STX8: variants seen among roughly 807,000 people sequenced by gnomAD.
STX8 encodes the protein syntaxin 8, also known as syntaxin-8.
Under a neutral mutation model 37.5 loss-of-function variants are expected in STX8, and 23 were observed. That is an observed-to-expected ratio of 0.61 (90% CI 0.44 to 0.87). STX8 has a LOEUF of 0.87. Ranked by LOEUF, STX8 falls within the 40% of genes least tolerant of loss-of-function variation. The pLI is 0.00. For missense variants in STX8, 313 were observed against 284.7 expected (o/e 1.10, Z -0.71); for synonymous variants, 115 against 99.1 (o/e 1.16, Z -0.95).
intron 6 of STX8, among the ~76,000 whole-genome samples, chr17:9,450,243 T>C (rs988699662): frequency 6.6e-6 from 1 of 151,342 alleles, no homozygotes; most frequent in East Asian, 1.9e-4. Context: ...GCCCGGCTAA[T>C]TTTTGTATTT....
chr17:9,348,477 T>A (rs572980042), intron 7 of STX8, among the ~76,000 whole-genome samples: 2 of 150,488 alleles, frequency 1.3e-5, no homozygotes, highest in Non-Finnish European at 3.0e-5. Context: ...AAACCATTCA[T>A]AATCTAATAA....
intron 3 of STX8, chr17:9,548,563 A>G (rs1906640044): frequency 6.6e-6 from 1 of 152,236 alleles, no homozygotes; most frequent in Non-Finnish European, 1.5e-5. Flanking sequence ...CCACTGAACC[A>G]TTATTTATAA....
chr17:9,482,813 C>A (rs9893766), intron 6 of STX8, among the ~76,000 whole-genome samples: 5,549 of 152,148 alleles, frequency 0.036, 324 homozygotes, highest in African/African-American at 0.12. Flanking sequence ...ACTTGGGAGG[C>A]TGAGGCAGAA....
chr17:9,326,294 A>G (rs1057497758), intron 7 of STX8, among the ~76,000 whole-genome samples: 1 of 151,774 alleles, frequency 6.6e-6, no homozygotes, highest in African/African-American at 2.4e-5. Context: ...CCATACCTGG[A>G]TAATTTTTGT....
At chr17:9,449,262 T>C (rs1904956333) in intron 6 of STX8, among the ~76,000 whole-genome samples, 2 of 152,158 alleles carry the variant, frequency 1.3e-5, no homozygotes, top group Admixed American at 6.5e-5. Flanking sequence ...CTTCCACTGG[T>C]AAATAAACAA....
At position 9,250,552 on chromosome 17, in the gene STX8, C is replaced by G; in HGVS notation, c.*26G>C. On this transcript the variant is annotated 3_prime_UTR_variant, in exon 8 of 8. Transcript: ENST00000306357. The stretch of plus-strand genomic sequence containing the variant: ...GCTTGCATCTGTCATTGGCAGGTGT[C>G]ACTGCTGGTGGTCTCTTTACTGCCA... The G allele has an allele frequency of 6.4e-7, 1 of 1,572,826 alleles. No individual in the cohort carries two copies. Among genetic ancestry groups the G allele is most frequent in the Non-Finnish European group, 8.6e-7 (1 of 1,157,606 alleles).
At chr17:9,410,104 C>T (rs1244096153) in intron 6 of STX8, among the ~76,000 whole-genome samples, 1 of 152,220 alleles carries the variant, frequency 6.6e-6, no homozygotes, top group African/African-American at 2.4e-5. Context: ...ACAGCTGTTG[C>T]TCCCTCCACC....
At chr17:9,487,004 C>T (rs1008268127) in intron 6 of STX8, among the ~76,000 whole-genome samples, 2 of 152,128 alleles carry the variant, frequency 1.3e-5, no homozygotes, top group Non-Finnish European at 2.9e-5. Flanking sequence ...CTTGCCAACG[C>T]CCCTAGTCAG....
intron 6 of STX8, among the ~76,000 whole-genome samples, chr17:9,449,510 G>A (rs539989708): frequency 2.0e-5 from 3 of 152,134 alleles, no homozygotes; most frequent in Admixed American, 2.0e-4. Flanking sequence ...GCAGTGAGCC[G>A]AGATGGAGCC....
intron 6 of STX8, among the ~76,000 whole-genome samples, chr17:9,403,553 T>C (rs1912698950): frequency 6.6e-6 from 1 of 152,130 alleles, no homozygotes; most frequent in Non-Finnish European, 1.5e-5. Flanking sequence ...AATAGCAGCA[T>C]ATTATTTAGA....
intron 6 of STX8, among the ~76,000 whole-genome samples, chr17:9,445,523 G>GATGGGGGAGGGGGTTGGGGGGT (rs57794861): frequency 8.0e-6 from 1 of 124,328 alleles, no homozygotes; most frequent in African/African-American, 3.0e-5. Flanking sequence ...GGGTTGGGGG[G>GATGGGGGAGGGGGTTGGGGGGT]TGGGGGTGAG....
rs189226832 is a variant in STX8 at position 9,535,653 on chromosome 17, C to G, written c.323+9519G>C. 7.9e-3 allele frequency among the ~76,000 whole-genome samples: 1,201 copies of G among 151,958 alleles called. 8 individuals carry two copies. Among genetic ancestry groups the G allele is most frequent in the Non-Finnish European group, 0.012 (820 of 67,948 alleles). On this transcript the variant is annotated intron_variant, in intron 4 of 7. Transcript: ENST00000306357. ...TTCACCGTGTTAGCCAGGATGGTCT[C>G]AATCTCCTGACCTCATGATCTGCCC...
chr17:9,364,173 C>T (rs1436327249), intron 7 of STX8, among the ~76,000 whole-genome samples: 1 of 152,196 alleles, frequency 6.6e-6, no homozygotes, highest in African/African-American at 2.4e-5. Flanking sequence ...TAGAGTGAAT[C>T]TTTCAGGGCA....
At position 9,286,648 on chromosome 17, in the gene STX8, G is replaced by A. The variant is rs980713464; in HGVS notation, c.644-36003C>T. Among the ~76,000 whole-genome samples, 27 of 107,944 alleles carry A rather than the reference G, an allele frequency of 2.5e-4. No individual in the cohort carries two copies. The South Asian group carries it at 2.9e-3, about 12-fold the overall frequency. 70.8% of individuals were successfully genotyped at this position (107,944 alleles called of 152,430 possible). ...AGCTGCAGAGGCTGAGTCTTTAAAT[G>A]AAATAAAGAAATAATTGCTTCAGGG... On this transcript the variant is annotated intron_variant, in intron 7 of 7. Coordinates refer to ENST00000306357, the MANE Select transcript of STX8 (RefSeq NM_004853.3).
intron 7 of STX8, among the ~76,000 whole-genome samples, chr17:9,341,513 T>C (rs1396182837): frequency 2.6e-5 from 4 of 152,174 alleles, no homozygotes; most frequent in East Asian, 1.9e-4. Flanking sequence ...CTCGGCTCAC[T>C]GCAACCTCTG....
At chr17:9,482,521 T>C (rs186573264) in intron 6 of STX8, among the ~76,000 whole-genome samples, 1 of 152,296 alleles carries the variant, frequency 6.6e-6, no homozygotes, top group African/African-American at 2.4e-5. Flanking sequence ...ATTTCACCAG[T>C]ACATGATTAA....
intron 7 of STX8, among the ~76,000 whole-genome samples, chr17:9,322,885 C>G (rs1241652586): frequency 1.4e-5 from 2 of 147,940 alleles, no homozygotes; most frequent in Non-Finnish European, 3.0e-5. Flanking sequence ...TAGTTGTATT[C>G]CATTCCTTTT....
intron 6 of STX8, among the ~76,000 whole-genome samples, chr17:9,387,389 G>A (rs997196440): frequency 2.6e-5 from 4 of 151,936 alleles, no homozygotes; most frequent in Non-Finnish European, 5.9e-5. Flanking sequence ...TCCGCCTCCC[G>A]GGTTCACGCC....
At chr17:9,318,987 G>A (rs915952662) in intron 7 of STX8, among the ~76,000 whole-genome samples, 1 of 152,082 alleles carries the variant, frequency 6.6e-6, no homozygotes, top group African/African-American at 2.4e-5. Flanking sequence ...AGCTCTCCAG[G>A]AAAATCAATA....
Sources: allele counts gnomAD v4.1 joint callset (sites outside exome capture counted in the v4.1 genomes callset), GRCh38; gene constraint gnomAD v4.1.1; transcripts MANE v1.5; gene names NCBI Gene and HGNC (gene_info 2026-07-23, HGNC 2026-07-21).